Variants in NF1 observed in about 807,000 individuals in gnomAD.
The protein encoded by NF1 is neurofibromin.
A neutral mutation model predicts 325.7 loss-of-function variants in NF1; 122 were observed. That is an observed-to-expected ratio of 0.37 (90% confidence interval 0.32 to 0.44). NF1 has a LOEUF of 0.44. Ranked by LOEUF, NF1 falls within the 20% of genes least tolerant of loss-of-function variation. The pLI, the probability that NF1 is intolerant of heterozygous loss-of-function variation, is 1.00. For missense variants in NF1, 2,140 were observed against 3,415.4 expected (o/e 0.63, Z 9.31); for synonymous variants, 1,091 against 1,186.0 (o/e 0.92, Z 1.65).
At chr17:31,250,215 G>A in intron 30 of NF1, 1 of 319,598 alleles carries the variant, frequency 3.1e-6, no homozygotes, top group Non-Finnish European at 6.1e-6. Context: ...AGGAAACTTA[G>A]GAAAATCCTG....
intron 29 of NF1, among the ~76,000 whole-genome samples, chr17:31,243,214 T>TGTGTGTGTGTGTGTGTGTGTGTG (rs1369781933): frequency 0.01 from 708 of 70,520 alleles, 12 homozygotes; most frequent in African/African-American, 0.038. Flanking sequence ...GTGTGTGTGT[T>TGTGTGTGTGTGTGTGTGTGTGTG]GAGCTGCCTG....
At position 31,097,037 on chromosome 17, in the gene NF1, C is replaced by T. The variant is rs112392667; in HGVS notation, c.60+1668C>T. On this transcript the variant is annotated intron_variant, in intron 1 of 57. Coordinates refer to ENST00000358273, the MANE Select transcript of NF1 (RefSeq NM_001042492.3). ...TGGATGTAGGAAATTGAAGGATCCACGCCGCAATTCTCCTTAAATTTTAAA... is the reference window on the plus strand; with the variant it reads ...TGGATGTAGGAAATTGAAGGATCCATGCCGCAATTCTCCTTAAATTTTAAA... 3.9e-3 allele frequency among the ~76,000 whole-genome samples: 597 copies of T among 152,256 alleles called. 2 individuals carry two copies. Among genetic ancestry groups the T allele is most frequent in the African/African-American group, 0.012 (484 of 41,540 alleles).
intron 1 of NF1, among the ~76,000 whole-genome samples, chr17:31,144,379 C>T (rs770091099): frequency 1.1e-4 from 16 of 152,154 alleles, no homozygotes; most frequent in Non-Finnish European, 1.5e-4. Context: ...TGCTTAAATT[C>T]GTTCAGTGCC....
intron 1 of NF1, among the ~76,000 whole-genome samples, chr17:31,139,774 C>T (rs879539399): frequency 2.0e-5 from 3 of 152,168 alleles, no homozygotes; most frequent in Non-Finnish European, 4.4e-5. Context: ...TAGAGATTTT[C>T]ACTCGTTAAG....
In NF1 at chr17:31,276,772, G is replaced by A. The variant is rs17881449; in HGVS notation, c.4835+11433G>A. Among the ~76,000 whole-genome samples, 596 of 152,176 alleles carry A rather than the reference G, an allele frequency of 3.9e-3. 6 individuals are homozygous for A. The highest frequency in any genetic ancestry group is 0.014 in the African/African-American group (567 of 41,508). ...TGGGCACAGCACCATACCACTCTTAGCATTCTGATAGTTAGGTGGTACCAT... is the reference window on the plus strand; with the variant it reads ...TGGGCACAGCACCATACCACTCTTAACATTCTGATAGTTAGGTGGTACCAT... On this transcript the variant is annotated intron_variant, in intron 36 of 57. Transcript: ENST00000358273.
chr17:31,359,426 G>A (rs1007952700), intron 56 of NF1: 8 of 197,096 alleles, frequency 4.1e-5, no homozygotes, highest in Non-Finnish European at 8.3e-5. Flanking sequence ...TTTCTCTCTG[G>A]ATTTGTCCTC....
Position 31,219,136 on chromosome 17 carries a change from T to G in NF1, c.1641+18T>G. ...CAATGGAGGTAAGGGGAAAATGAATTCCATGTTCTTGAAGGAAAGATTGTA... is the reference window on the plus strand; with the variant it reads ...CAATGGAGGTAAGGGGAAAATGAATGCCATGTTCTTGAAGGAAAGATTGTA... On this transcript the variant is annotated intron_variant, in intron 14 of 57. Transcript: ENST00000358273. The G allele has an allele frequency of 6.2e-7, 1 of 1,608,188 alleles. No individual in the cohort carries two copies. The highest frequency in any genetic ancestry group is 1.3e-5 in the African/African-American group (1 of 74,914).
At chr17:31,154,199 G>C (rs1917154946) in intron 1 of NF1, among the ~76,000 whole-genome samples, 1 of 151,698 alleles carries the variant, frequency 6.6e-6, no homozygotes, top group African/African-American at 2.4e-5. Flanking sequence ...GGGATTACAG[G>C]CATGTGCCAC....
At chr17:31,124,976 T>TA (rs565114032) in intron 1 of NF1, among the ~76,000 whole-genome samples, 2,701 of 142,606 alleles carry the variant, frequency 0.019, 60 homozygotes, top group African/African-American at 0.058. Context: ...AGTTTATACT[T>TA]AAAAAAAAAA....
Position 31,216,861 on chromosome 17 carries a change from G to A in NF1, c.1528-2144G>A, listed in dbSNP as rs373373408. ...ATGCCTTCATACCTCCCTTGCAGTT[G>A]CTTTTCCCTCTGCCTAGAATCTGCT... is the stretch of plus-strand genomic sequence containing the variant. On this transcript the variant is annotated intron_variant, in intron 13 of 57. Transcript: ENST00000358273. Among the ~76,000 whole-genome samples the A allele has an allele frequency of 7.9e-5, 12 of 152,046 alleles. No homozygotes were observed. In the East Asian group the frequency reaches 1.4e-3, roughly 17 times the overall value.
At chr17:31,258,179 A>G (rs1227948963) in intron 31 of NF1, among the ~76,000 whole-genome samples, 165 bp from the exon 32 acceptor site, 1 of 152,154 alleles carries the variant, frequency 6.6e-6, no homozygotes, top group East Asian at 1.9e-4. Flanking sequence ...TTGAGAGGAA[A>G]CTTTATTTTC....
At chr17:31,110,798 C>T (rs1913333209) in intron 1 of NF1, among the ~76,000 whole-genome samples, 1 of 151,976 alleles carries the variant, frequency 6.6e-6, no homozygotes, top group African/African-American at 2.4e-5. Context: ...AAAAACACAA[C>T]GTTGGTTGCT....
chr17:31,363,286 A>T (rs887557920), intron 57 of NF1, among the ~76,000 whole-genome samples: 18 of 152,172 alleles, frequency 1.2e-4, no homozygotes, highest in Admixed American at 1.2e-3. Flanking sequence ...CATGTTCACA[A>T]AAGGATCCCA....
rs2069701377 is a variant in NF1, at chr17:31,337,310, C to T, written c.6428-58C>T. 2.2e-6 allele frequency: 3 copies of T among 1,357,210 alleles called. No homozygotes were observed. The South Asian group carries it at 3.7e-5, about 17-fold the overall frequency. 84.1% of individuals were successfully genotyped at this position (1,357,210 alleles called of 1,614,324 possible). The stretch of plus-strand genomic sequence containing the variant: ...TCTAAATTCAAAATGAAACATGGAA[C>T]TTTAGAAATTAAAAAGTAATATTTT... On this transcript the variant is annotated intron_variant, in intron 42 of 57. Transcript: ENST00000358273.
chr17:31,325,450 G>A (rs1305368441), intron 36 of NF1, among the ~76,000 whole-genome samples: 2 of 152,206 alleles, frequency 1.3e-5, no homozygotes, highest in Non-Finnish European at 2.9e-5. Context: ...GGGATAAATG[G>A]ATTGGCTAAA....
intron 30 of NF1, among the ~76,000 whole-genome samples, chr17:31,249,546 G>A (rs2067458660): frequency 6.6e-6 from 1 of 152,164 alleles, no homozygotes; most frequent in Non-Finnish European, 1.5e-5. Flanking sequence ...CTTCATTAAT[G>A]TATAATTAGT....
intron 22 of NF1, 101 bp from the exon 23 acceptor site, chr17:31,230,159 A>T (rs1254690264): frequency 6.8e-7 from 1 of 1,463,246 alleles, no homozygotes; most frequent in East Asian, 2.3e-5. Flanking sequence ...ATTGTTTTCA[A>T]ACTTACATTT....
chr17:31,272,179 G>T (rs974924300), intron 36 of NF1: 1 of 152,190 alleles, frequency 6.6e-6, no homozygotes, highest in Non-Finnish European at 1.5e-5. Context: ...TTCCTAGCAT[G>T]CTTGTCATTC....
intron 5 of NF1, among the ~76,000 whole-genome samples, chr17:31,173,764 G>C (rs765715245): frequency 2.0e-5 from 3 of 152,200 alleles, no homozygotes; most frequent in Non-Finnish European, 2.9e-5. Flanking sequence ...GATAAATTCA[G>C]TTTTAGATCT....
Sources: gnomAD v4.1 joint callset for allele counts (sites outside exome capture counted in the v4.1 genomes callset) on GRCh38, gnomAD v4.1.1 for gene constraint, MANE v1.5 for transcripts, NCBI Gene and HGNC (gene_info 2026-07-23, HGNC 2026-07-21) for gene names.